ZBTB49: variants seen among roughly 807,000 people sequenced by gnomAD.
The protein encoded by ZBTB49 is zinc finger and BTB domain-containing protein 49.
Under a neutral mutation model 57.5 loss-of-function variants are expected in ZBTB49, and 43 were observed. That is an observed-to-expected ratio of 0.75 (90% CI 0.59 to 0.97). The LOEUF (loss-of-function observed/expected upper bound fraction) is 0.97, where lower values mean the gene tolerates loss of function less well. ZBTB49 is among the 50% of genes least tolerant of loss of function. The pLI is 0.00. For missense variants in ZBTB49, 938 were observed against 947.7 expected (o/e 0.99, Z 0.13); for synonymous variants, 369 against 362.1 (o/e 1.02, Z -0.22).
chr4:4,321,074 C>T lies in ZBTB49; in HGVS notation c.2056C>T (p.Gln686Ter), dbSNP rs771180855. 1.9e-6 allele frequency: 3 copies of T among 1,614,082 alleles called. No individual in the cohort carries two copies. The highest frequency in any genetic ancestry group is 2.5e-6 in the Non-Finnish European group (3 of 1,180,042). The change falls in exon 8 of 8, where the codon CAG (glutamine) becomes TAG (stop). Residue 686 changes from glutamine to a stop codon, truncating the protein, a stop_gained. Transcript: ENST00000337872. LOFTEE classifies it low-confidence loss of function (END_TRUNC). ...KLAKPQMQQT[Q>*]PQAYAYSDVD... The stretch of plus-strand genomic sequence containing the variant: ...TGCCAAGCCCCAGATGCAGCAGACA[C>T]AGCCTCAGGCCTATGCTTACTCGGA...
Position 4,301,986 on chromosome 4 carries a change from C to T in ZBTB49, c.153-3C>T, listed in dbSNP as rs1720491181. ...TGTAAACAGATATTCTTTCTTTTAC[C>T]AGGAGCCTCTTTCAGAATTCTTCAA... On this transcript the variant is annotated splice_region_variant and splice_polypyrimidine_tract_variant and intron_variant, in intron 2 of 7. Transcript: ENST00000337872. 8 of 1,503,714 alleles carry T rather than the reference C, an allele frequency of 5.3e-6. No individual in the cohort carries two copies. Among genetic ancestry groups the T allele is most frequent in the African/African-American group, 1.4e-5 (1 of 71,640 alleles). The allele number at this position is 1,503,714 out of a possible 1,614,324, so 93.1% of individuals were successfully genotyped here.
Position 4,302,800 on chromosome 4 carries a change from G to A in ZBTB49, c.964G>A (p.Glu322Lys), listed in dbSNP as rs755899676. 1 of 1,614,136 alleles carries A rather than the reference G, an allele frequency of 6.2e-7. No homozygotes were observed. The highest frequency in any genetic ancestry group is 2.2e-5 in the East Asian group (1 of 44,888). Residue 322 changes from glutamate (E) to lysine (K), a missense_variant, in exon 3 of 8, where the codon GAG becomes AAG. This residue lies in a region of ZBTB49 where 835 missense variants were observed against 819.1 expected (regional missense o/e 1.02). Transcript: ENST00000337872. ...LNFLKSQKYA[E>K]QVSEPKSDDG... ...TTTCCTGAAGTCACAGAAATACGCAGAGCAAGTATCTGAACCCAAGTCAGA... is the reference window on the plus strand; with the variant it reads ...TTTCCTGAAGTCACAGAAATACGCAAAGCAAGTATCTGAACCCAAGTCAGA...
chr4:4,302,559 T>C lies in ZBTB49; in HGVS notation c.723T>C (p.Phe241=). ...AGGAGAGAGTTGTTGAGCAGCCTTT[T>C]GCTTTCAGCACCTCTACAGACCTTA... is the stretch of plus-strand genomic sequence containing the variant. The part of the protein sequence containing the change: ...PSQERVVEQP[F]AFSTSTDLTT... Residue 241 remains phenylalanine, a synonymous_variant, in exon 3 of 8, where the codon TTT becomes TTC. Coordinates refer to ENST00000337872, the MANE Select transcript of ZBTB49 (RefSeq NM_145291.4). 1 of 1,614,098 alleles carries C rather than the reference T, an allele frequency of 6.2e-7. No homozygotes were observed. The highest frequency in any genetic ancestry group is 8.5e-7 in the Non-Finnish European group (1 of 1,179,982).
At chr4:4,307,207 C>A (rs1350853232) in intron 4 of ZBTB49, among the ~76,000 whole-genome samples, 1 of 152,230 alleles carries the variant, frequency 6.6e-6, no homozygotes, top group African/African-American at 2.4e-5. Flanking sequence ...CTGAGCACTT[C>A]ATTTCTCTGG....
intron 1 of ZBTB49, among the ~76,000 whole-genome samples, chr4:4,298,429 C>CTTT (rs57089472): frequency 0.011 from 1,638 of 149,438 alleles, 39 homozygotes; most frequent in African/African-American, 0.036. Context: ...ACCATACTGC[C>CTTT]TTTTTTTTTG....
At chr4:4,316,325 G>A (rs1199790136) in intron 7 of ZBTB49, among the ~76,000 whole-genome samples, 1 of 152,180 alleles carries the variant, frequency 6.6e-6, no homozygotes, top group African/African-American at 2.4e-5. Flanking sequence ...AGAGCATTAG[G>A]AGCACGTGCT....
chr4:4,297,791 A>G (rs966544818), intron 1 of ZBTB49, among the ~76,000 whole-genome samples: 2 of 151,118 alleles, frequency 1.3e-5, no homozygotes, highest in African/African-American at 4.8e-5. Context: ...AAAAAAAAAA[A>G]GAATGGTGGG....
chr4:4,320,611 T>G (rs569724058), intron 7 of ZBTB49, 29 bp from the exon 8 acceptor site: 6 of 1,612,536 alleles, frequency 3.7e-6, no homozygotes, highest in African/African-American at 2.7e-5. Flanking sequence ...CCTGTTTAAG[T>G]AAATAAATAA....
chr4:4,315,962 C>G lies in ZBTB49; in HGVS notation c.1613C>G (p.Ser538Cys), dbSNP rs755074295. The change falls in exon 7 of 8, where the codon TCT becomes TGT. Residue 538 changes from serine (S) to cysteine (C), a missense_variant. This residue lies in a region of ZBTB49 where 835 missense variants were observed against 819.1 expected (regional missense o/e 1.02). Coordinates refer to ENST00000337872, the MANE Select transcript of ZBTB49 (RefSeq NM_145291.4). ...RHTGERPYSC[S>C]ACGKCFGGSG... ...ACGGGGGAGCGGCCTTACAGCTGCT[C>G]TGCCTGCGGTGAGTTTGGGTTTCTG... 2 of 1,613,826 alleles carry G rather than the reference C, an allele frequency of 1.2e-6. No homozygotes were observed. Among genetic ancestry groups the G allele is most frequent in the Non-Finnish European group, 8.5e-7 (1 of 1,179,956 alleles).
At chr4:4,315,210 G>T (rs1172907479) in intron 5 of ZBTB49, among the ~76,000 whole-genome samples, 1 of 152,196 alleles carries the variant, frequency 6.6e-6, no homozygotes, top group East Asian at 1.9e-4. Flanking sequence ...TCCTCCTTGG[G>T]TTGGCACCAC....
chr4:4,305,418 A>G (rs767270411), intron 3 of ZBTB49, among the ~76,000 whole-genome samples: 1 of 152,214 alleles, frequency 6.6e-6, no homozygotes, highest in African/African-American at 2.4e-5. Flanking sequence ...TTAGCGTTAT[A>G]TAGATTAAAG....
intron 2 of ZBTB49, 121 bp downstream of exon 2, chr4:4,300,218 A>AT: frequency 8.9e-7 from 1 of 1,123,368 alleles, no homozygotes; most frequent in Admixed American, 2.6e-5. Flanking sequence ...AGCACATTGG[A>AT]TTTTGTAGGA....
At chr4:4,311,664 A>G (rs1446836201) in intron 4 of ZBTB49, among the ~76,000 whole-genome samples, 6 of 152,236 alleles carry the variant, frequency 3.9e-5, no homozygotes, top group Admixed American at 3.9e-4. Flanking sequence ...TTGTATTATT[A>G]TCTCAAGAAA....
rs757255081 is a variant in ZBTB49 at position 4,302,084 on chromosome 4, A to G, written c.248A>G (p.Tyr83Cys). The G allele has an allele frequency of 1.2e-6, 2 of 1,614,050 alleles. No individual in the cohort carries two copies. The highest frequency in any genetic ancestry group is 1.7e-6 in the Non-Finnish European group (2 of 1,179,910). The change falls in exon 3 of 8, where the codon TAC becomes TGC. Residue 83 changes from tyrosine (Y) to cysteine (C), a missense_variant. Coordinates refer to ENST00000337872, the MANE Select transcript of ZBTB49 (RefSeq NM_145291.4). ...SGIGQILDFMYTSHLDLNQDN... is the reference protein window; with the variant it reads ...SGIGQILDFMCTSHLDLNQDN... ...ATAGGGCAGATCCTGGACTTCATGTACACTTCTCATCTAGATCTTAACCAG... is the reference window on the plus strand; with the variant it reads ...ATAGGGCAGATCCTGGACTTCATGTGCACTTCTCATCTAGATCTTAACCAG...
At chr4:4,316,977 G>C (rs1055989902) in intron 7 of ZBTB49, among the ~76,000 whole-genome samples, 2 of 152,236 alleles carry the variant, frequency 1.3e-5, no homozygotes, top group African/African-American at 2.4e-5. Context: ...GGCCGAGGCT[G>C]CAGTGAGCCG....
rs368136573 is a variant in ZBTB49, at chr4:4,321,301, C to T, written c.2283C>T (p.Asn761=). 6.8e-6 allele frequency: 11 copies of T among 1,611,096 alleles called. No homozygotes were observed. The African/African-American group carries it at 8.0e-5, about 12-fold the overall frequency. ...GLAMKTLQNE[N]ELDQ ...CGATGAAGACGCTGCAGAATGAAAA[C>T]GAGTTAGACCAGTGATGTACCGCGC... The change falls in exon 8 of 8, where the codon AAC becomes AAT. Residue 761 remains asparagine (N), a synonymous_variant. Coordinates refer to ENST00000337872, the MANE Select transcript of ZBTB49 (RefSeq NM_145291.4).
At position 4,321,398 on chromosome 4, in the gene ZBTB49, A is replaced by G; in HGVS notation, c.*82A>G. 1.4e-6 allele frequency: 2 copies of G among 1,411,400 alleles called. No homozygotes were observed. Among genetic ancestry groups the G allele is most frequent in the Admixed American group, 2.1e-5 (1 of 48,388 alleles). 87.4% of individuals were successfully genotyped at this position (1,411,400 alleles called of 1,614,324 possible). A position where few individuals can be genotyped will look rare whatever the true frequency, so the allele number is the denominator to read the frequency against. ...GGCTGTAGGAGGACCCAGTTTCCCCATGACAGTGCCTTCTAACTAGCCAGA... is the reference window on the plus strand; with the variant it reads ...GGCTGTAGGAGGACCCAGTTTCCCCGTGACAGTGCCTTCTAACTAGCCAGA... On this transcript the variant is annotated 3_prime_UTR_variant, in exon 8 of 8. Coordinates refer to ENST00000337872, the MANE Select transcript of ZBTB49 (RefSeq NM_145291.4).
At chr4:4,296,925 GTTCATCTTGGGAAGGAGGAGGCATGT>G (rs1181249435) in intron 1 of ZBTB49, among the ~76,000 whole-genome samples, 3 of 152,122 alleles carry the variant, frequency 2.0e-5, no homozygotes, top group African/African-American at 4.8e-5. Context: ...GAGAGGGAAG[GTTCATCTTGGGAAGGAGGAGGCATGT>G]TTCATCCCAT....
chr4:4,308,854 C>T (rs1720856663), intron 4 of ZBTB49, among the ~76,000 whole-genome samples: 1 of 152,146 alleles, frequency 6.6e-6, no homozygotes. Context: ...GTCCTTTCTA[C>T]CTGAAAGGTG....
Sources: gnomAD v4.1 joint callset for allele counts (sites outside exome capture counted in the v4.1 genomes callset) on GRCh38, gnomAD v4.1.1 for gene constraint, gnomAD v4.1.1 regional missense constraint, MANE v1.5 for transcripts, NCBI Gene and HGNC (gene_info 2026-07-23, HGNC 2026-07-21) for gene names.